SMCHD1: variants seen among roughly 807,000 people sequenced by gnomAD.
The protein encoded by SMCHD1 is structural maintenance of chromosomes flexible hinge domain-containing protein 1.
SMCHD1 carries 78 observed loss-of-function variants against 254.7 expected under a neutral mutation model. That is an observed-to-expected ratio of 0.31 (90% CI 0.26 to 0.37). The LOEUF is 0.37. Ranked by LOEUF, SMCHD1 falls within the 10% of genes least tolerant of loss-of-function variation. SMCHD1 has a pLI of 1.00. For missense variants in SMCHD1, 1,840 were observed against 2,408.1 expected (o/e 0.76, Z 4.94); for synonymous variants, 766 against 794.9 (o/e 0.96, Z 0.61).
chr18:2,794,986 TAA>T (rs1450481508), intron 45 of SMCHD1, among the ~76,000 whole-genome samples: 3 of 152,176 alleles, frequency 2.0e-5, no homozygotes, highest in Admixed American at 2.0e-4. Flanking sequence ...TAAGAAAAGT[TAA>T]GTTTTTTGAA....
chr18:2,666,856 A>G lies in SMCHD1; in HGVS notation c.263-14A>G. The G allele has an allele frequency of 6.3e-7, 1 of 1,597,258 alleles. No homozygotes were observed. The highest frequency in any genetic ancestry group is 8.6e-7 in the Non-Finnish European group (1 of 1,169,418). On this transcript the variant is annotated splice_polypyrimidine_tract_variant and intron_variant, in intron 2 of 47. Transcript: ENST00000320876. ...TGCTGACCTAGCACTTATGATTTTC[A>G]CTCTTGATTACAGATGAAACTGTTA...
At chr18:2,754,346 C>T (rs1417837497) in intron 34 of SMCHD1, among the ~76,000 whole-genome samples, 1 of 152,120 alleles carries the variant, frequency 6.6e-6, no homozygotes, top group Non-Finnish European at 1.5e-5. Flanking sequence ...GGGCTCATAG[C>T]TATGTTTTAT....
At chr18:2,768,879 G>A (rs546829430) in intron 37 of SMCHD1, among the ~76,000 whole-genome samples, 1 of 131,362 alleles carries the variant, frequency 7.6e-6, no homozygotes, top group East Asian at 2.0e-4. Context: ...TTCAGAAACT[G>A]ATTGGCAGTT....
At chr18:2,675,062 T>C (rs1244269608) in intron 5 of SMCHD1, among the ~76,000 whole-genome samples, 3 of 152,216 alleles carry the variant, frequency 2.0e-5, no homozygotes, top group Non-Finnish European at 4.4e-5. Flanking sequence ...CGTGTGACAT[T>C]GGTCAACTTA....
At chr18:2,772,840 G>A (rs888762826) in intron 41 of SMCHD1, among the ~76,000 whole-genome samples, 7 of 152,260 alleles carry the variant, frequency 4.6e-5, no homozygotes, top group Admixed American at 4.6e-4. Context: ...CAGATAGCAA[G>A]TGGCAGAGCC....
chr18:2,686,814 C>G (rs1367451883), intron 5 of SMCHD1, among the ~76,000 whole-genome samples: 1 of 151,986 alleles, frequency 6.6e-6, no homozygotes, highest in East Asian at 1.9e-4. Context: ...TTACAGTGTC[C>G]TACCTGGTCA....
chr18:2,796,069 A>C lies in SMCHD1; in HGVS notation c.5840A>C (p.Glu1947Ala). The C allele has an allele frequency of 1.9e-6, 3 of 1,575,624 alleles. No homozygotes were observed. The highest frequency in any genetic ancestry group is 2.6e-6 in the Non-Finnish European group (3 of 1,161,346). ...DMRKKKQELDEHEKNLKLIEE... is the reference protein window; with the variant it reads ...DMRKKKQELDAHEKNLKLIEE... Reference sequence around the variant, plus strand: ...AGGAAGAAAAAGCAAGAACTTGATGAACATGAGAAAAATCTCAAACTAATA... The same window carrying C: ...AGGAAGAAAAAGCAAGAACTTGATGCACATGAGAAAAATCTCAAACTAATA... Residue 1947 changes from glutamate to alanine, a missense_variant, in exon 46 of 48, where the codon GAA becomes GCA. Glu to Ala is a moderately radical substitution (Grantham distance 107, BLOSUM62 -1). Around this residue, in one of 9 missense-constraint regions of SMCHD1, gnomAD observed 132 missense variants for 138.2 expected, o/e 0.95. Coordinates refer to ENST00000320876, the MANE Select transcript of SMCHD1 (RefSeq NM_015295.3).
chr18:2,739,314 G>A (rs1202499672), intron 26 of SMCHD1, 118 bp from the exon 27 acceptor site: 1 of 712,516 alleles, frequency 1.4e-6, no homozygotes, highest in Non-Finnish European at 2.5e-6. Flanking sequence ...ATTTGAAGGA[G>A]TGTTATTGTA....
intron 40 of SMCHD1, 45 bp from the exon 41 acceptor site, chr18:2,772,205 C>G (rs1247576838): frequency 1.4e-6 from 2 of 1,463,746 alleles, no homozygotes; most frequent in South Asian, 1.5e-5. Flanking sequence ...CTGCCTGGTT[C>G]AAGAGTAATT....
rs1199171115 is a variant in SMCHD1, at chr18:2,696,362, C to T, written c.1041-670C>T. ...CCGAGTGAGCATTACCACCTGGCTC[C>T]GCCTCCTGTCAGATCACTGGCAGCA... On this transcript the variant is annotated intron_variant, in intron 8 of 47. Coordinates refer to ENST00000320876, the MANE Select transcript of SMCHD1 (RefSeq NM_015295.3). Among the ~76,000 whole-genome samples, 7 of 152,188 alleles carry T rather than the reference C, an allele frequency of 4.6e-5. No homozygotes were observed. In the South Asian group the frequency reaches 6.2e-4, roughly 14 times the overall value.
chr18:2,796,133 C>T, intron 46 of SMCHD1, 26 bp downstream of exon 46: 2 of 1,477,876 alleles, frequency 1.4e-6, no homozygotes, highest in Non-Finnish European at 1.8e-6. Flanking sequence ...TTGTTAACTT[C>T]TACTTTCTTT....
rs777502948 is a variant in SMCHD1, at chr18:2,772,135, T to TA, written c.5053-114dup. ...AGTTTTTTTTTTAATAATGCCTACTTACCAACTTTATATTCTTTAGTTATC... is the reference window on the plus strand; with the variant it reads ...AGTTTTTTTTTTAATAATGCCTACTTAACCAACTTTATATTCTTTAGTTATC... On this transcript the variant is annotated intron_variant, in intron 40 of 47. Transcript: ENST00000320876. The TA allele has an allele frequency of 8.0e-6, 7 of 872,194 alleles. No homozygotes were observed. In the East Asian group the frequency reaches 2.5e-4, roughly 31 times the overall value. 54.0% of individuals were successfully genotyped at this position (872,194 alleles called of 1,614,324 possible).
At chr18:2,723,385 G>T (rs1245568809) in intron 20 of SMCHD1, among the ~76,000 whole-genome samples, 1 of 151,964 alleles carries the variant, frequency 6.6e-6, no homozygotes. Flanking sequence ...TAAATGAGTA[G>T]GAGACTGGAA....
intron 25 of SMCHD1, among the ~76,000 whole-genome samples, chr18:2,734,971 TGAGA>T (rs1171332637): frequency 1.3e-5 from 2 of 151,720 alleles, no homozygotes. Context: ...CTCAGGAGGC[TGAGA>T]GAGAGAATTG....
Position 2,745,435 on chromosome 18 carries a change from G to C in SMCHD1, c.3801+1507G>C, listed in dbSNP as rs190325280. ...CATGCTCATGCCTTAGTTTGAGATT[G>C]ATCTTTTTCACTTGTGAGTTTAAAA... On this transcript the variant is annotated intron_variant, in intron 29 of 47. Coordinates refer to ENST00000320876, the MANE Select transcript of SMCHD1 (RefSeq NM_015295.3). 8.4e-4 allele frequency among the ~76,000 whole-genome samples: 128 copies of C among 152,318 alleles called. 1 individual carries two copies. The highest frequency in any genetic ancestry group is 2.5e-3 in the African/African-American group (105 of 41,572).
At chr18:2,735,225 T>G (rs8083413) in intron 25 of SMCHD1, among the ~76,000 whole-genome samples, 3 of 152,146 alleles carry the variant, frequency 2.0e-5, no homozygotes, top group Admixed American at 6.5e-5. Context: ...CAGAAAATGC[T>G]TTTGATAAAA....
rs780684469 is a variant in SMCHD1 at position 2,718,136 on chromosome 18, G to GTTTCTTT, written c.2261-13_2261-7dup. The GTTTCTTT allele has an allele frequency of 1.9e-6, 3 of 1,564,084 alleles. No individual in the cohort carries two copies. The Admixed American group carries it at 5.3e-5, about 28-fold the overall frequency. ...ACGTTGAATTTCTCAAGACACTATT[G>GTTTCTTT]TTTCTTTTTTCTTTTATTAAGCTTC... On this transcript the variant is annotated intron_variant, in intron 17 of 47. Coordinates refer to ENST00000320876, the MANE Select transcript of SMCHD1 (RefSeq NM_015295.3). The surrounding 1 kb of genome is among the most constrained non-coding windows in gnomAD (Gnocchi z 4.6).
rs370623037 is a variant in SMCHD1, at chr18:2,728,951, G to GA, written c.2914-311dup. 0.87 allele frequency: 146,578 copies of GA among 168,254 alleles called. 63,248 individuals carry two copies. The highest frequency in any genetic ancestry group is 0.94 in the Admixed American group (13,976 of 14,928). 10.4% of individuals were successfully genotyped at this position (168,254 alleles called of 1,614,324 possible). A position where few individuals can be genotyped will look rare whatever the true frequency, so the allele number is the denominator to read the frequency against. On this transcript the variant is annotated intron_variant, in intron 23 of 47. Transcript: ENST00000320876. The stretch of plus-strand genomic sequence containing the variant: ...CCATTCTTTATTCCTTTACTTTAGG[G>GA]AAAAAAAAAAAAAGGGAATGATGAC...
chr18:2,692,847 C>G (rs1412007013), intron 7 of SMCHD1, among the ~76,000 whole-genome samples: 1 of 152,194 alleles, frequency 6.6e-6, no homozygotes, highest in East Asian at 1.9e-4. Flanking sequence ...AAGGCACTGT[C>G]TTATTTATCT....
Sources: allele counts gnomAD v4.1 joint callset (sites outside exome capture counted in the v4.1 genomes callset), GRCh38; gene constraint gnomAD v4.1.1; regional missense constraint gnomAD v4.1.1; non-coding constraint Gnocchi (gnomAD v3.1); transcripts MANE v1.5; gene names NCBI Gene and HGNC (gene_info 2026-07-23, HGNC 2026-07-21).